Variants in KIAA1217 observed in about 807,000 individuals in gnomAD.
The protein encoded by KIAA1217 is KIAA1217.
Under a neutral mutation model 163.9 loss-of-function variants are expected in KIAA1217, and 88 were observed. The observed-to-expected ratio is 0.54, with a 90% CI of 0.45 to 0.64. The LOEUF is 0.64. KIAA1217 is among the 30% of genes least tolerant of loss of function. The pLI is 0.00. For missense variants in KIAA1217, 2,372 were observed against 2,475.0 expected (o/e 0.96, Z 0.88); for synonymous variants, 903 against 923.1 (o/e 0.98, Z 0.39).
intron 2 of KIAA1217, among the ~76,000 whole-genome samples, chr10:24,166,166 GA>G (rs935145110): frequency 1.3e-3 from 184 of 146,564 alleles, no homozygotes; most frequent in African/African-American, 3.4e-3. Context: ...CTGAGTGATT[GA>G]AAAAAAAAAC....
intron 1 of KIAA1217, among the ~76,000 whole-genome samples, chr10:23,841,633 C>A (rs181082993): frequency 2.6e-4 from 40 of 151,450 alleles, no homozygotes; most frequent in Non-Finnish European, 2.2e-4. Context: ...ACATCTGATT[C>A]AAAAATAATA....
chr10:24,153,471 A>C (rs2064720954), intron 2 of KIAA1217, among the ~76,000 whole-genome samples: 1 of 152,172 alleles, frequency 6.6e-6, no homozygotes, highest in Non-Finnish European at 1.5e-5. Flanking sequence ...TTTTTATTTC[A>C]CCTTAGTTTT....
At chr10:23,742,953 C>G (rs1839201646) in intron 1 of KIAA1217, among the ~76,000 whole-genome samples, 1 of 152,064 alleles carries the variant, frequency 6.6e-6, no homozygotes, top group Non-Finnish European at 1.5e-5. Flanking sequence ...CTTTGCTGTG[C>G]CAACTGCTAG....
chr10:24,140,831 T>C (rs2131832170), intron 2 of KIAA1217, among the ~76,000 whole-genome samples: 1 of 152,296 alleles, frequency 6.6e-6, no homozygotes, highest in Non-Finnish European at 1.5e-5. Flanking sequence ...TTGCAAATAG[T>C]GATCCTATTG....
chr10:23,805,996 CAAAAAAAAAAAAAAAAAA>C (rs71397917), intron 1 of KIAA1217, among the ~76,000 whole-genome samples: 1 of 30,512 alleles, frequency 3.3e-5, no homozygotes, highest in Non-Finnish European at 5.6e-5. Flanking sequence ...AACTCCATCT[CAAAAAAAAAAAAAAAAAA>C]AAAAAAAAAA....
chr10:23,863,191 C>T (rs1177118492), intron 1 of KIAA1217, among the ~76,000 whole-genome samples: 1 of 152,152 alleles, frequency 6.6e-6, no homozygotes, highest in Non-Finnish European at 1.5e-5. Flanking sequence ...TTCAAAGGGA[C>T]ATTTTGAGAG....
In KIAA1217 at chr10:24,481,049, C is replaced by T. The variant is rs1213489799; in HGVS notation, c.1679+6989C>T. The T allele has an allele frequency of 9.2e-5, 14 of 152,172 alleles. No individual in the cohort carries two copies. The East Asian group carries it at 2.5e-3, about 27-fold the overall frequency. 9.4% of individuals were successfully genotyped at this position (152,172 alleles called of 1,614,324 possible). ...ATCATTAGGTTATCTGTTTTGATGC[C>T]TAATAGTGCTTGACTGATTCAGCTC... On this transcript the variant is annotated intron_variant, in intron 6 of 20. Coordinates refer to ENST00000376454, the MANE Select transcript of KIAA1217 (RefSeq NM_019590.5).
At chr10:24,401,670 C>A (rs955385849) in intron 3 of KIAA1217, among the ~76,000 whole-genome samples, 1 of 152,138 alleles carries the variant, frequency 6.6e-6, no homozygotes, top group African/African-American at 2.4e-5. Context: ...AGGGAACAGC[C>A]AGGAGTGTCT....
At chr10:24,493,610 C>T (rs1473091543) in intron 6 of KIAA1217, among the ~76,000 whole-genome samples, 1 of 152,124 alleles carries the variant, frequency 6.6e-6, no homozygotes, top group African/African-American at 2.4e-5. Flanking sequence ...GAGAGAGGAA[C>T]AGTATCTGTA....
chr10:24,036,038 A>G (rs1244110326), intron 2 of KIAA1217, among the ~76,000 whole-genome samples: 5 of 152,210 alleles, frequency 3.3e-5, no homozygotes, highest in African/African-American at 9.6e-5. Context: ...GCCCAGGTGA[A>G]GGCCAGCGGA....
intron 1 of KIAA1217, among the ~76,000 whole-genome samples, chr10:23,948,100 A>G (rs897718506): frequency 1.3e-4 from 20 of 152,118 alleles, no homozygotes; most frequent in African/African-American, 4.6e-4. Context: ...GTTTGGACTG[A>G]GTGTTTATTG....
At chr10:23,841,279 T>G (rs985284463) in intron 1 of KIAA1217, among the ~76,000 whole-genome samples, 6 of 152,104 alleles carry the variant, frequency 3.9e-5, no homozygotes, top group Admixed American at 1.3e-4. Flanking sequence ...GGGAAGACCA[T>G]TCCAGAAAGA....
rs191059486 is a variant in KIAA1217, at chr10:23,938,434, G to A, written c.-320-68791G>A. Among the ~76,000 whole-genome samples the A allele has an allele frequency of 4.4e-3, 665 of 151,932 alleles. 1 individual carries two copies. The highest frequency in any genetic ancestry group is 6.9e-3 in the Non-Finnish European group (466 of 67,964). Reference sequence around the variant, plus strand: ...ATAGGTAAGTATGTATATACACCGAGACCTCTATGTCTGTGCATTCTGCAT... The same window carrying A: ...ATAGGTAAGTATGTATATACACCGAAACCTCTATGTCTGTGCATTCTGCAT... On this transcript the variant is annotated intron_variant, in intron 1 of 18. Coordinates refer to the KIAA1217 transcript ENST00000376462.
chr10:23,836,769 TA>T (rs912000275), intron 1 of KIAA1217, among the ~76,000 whole-genome samples: 24 of 147,132 alleles, frequency 1.6e-4, no homozygotes, highest in East Asian at 4.0e-4. Flanking sequence ...CCACAAAAAA[TA>T]AAAAAAAAAA....
In KIAA1217 at chr10:24,546,240, C is replaced by G. The variant is rs749971001; in HGVS notation, c.5748C>G (p.Ile1916Met). 1.2e-6 allele frequency: 2 copies of G among 1,614,222 alleles called. No homozygotes were observed. Among genetic ancestry groups the G allele is most frequent in the Non-Finnish European group, 1.7e-6 (2 of 1,180,028 alleles). Reference protein sequence around the residue: ...LNQGAKGTRTIHTPSLTSYKA... With the variant: ...LNQGAKGTRTMHTPSLTSYKA... ...AAGGTGCCAAGGGCACCAGGACCAT[C>G]CATACTCCCAGCCTCACCAGCTACA... is the stretch of plus-strand genomic sequence containing the variant. The change falls in exon 21 of 21, where the codon ATC becomes ATG. Residue 1916 changes from isoleucine to methionine, a missense_variant. Transcript: ENST00000376454.
intron 1 of KIAA1217, among the ~76,000 whole-genome samples, chr10:23,885,781 T>C (rs1841144141): frequency 6.6e-6 from 1 of 152,026 alleles, no homozygotes; most frequent in African/African-American, 2.4e-5. Flanking sequence ...GGGAAAAGGA[T>C]GGAAATAAAC....
intron 3 of KIAA1217, among the ~76,000 whole-genome samples, chr10:24,417,429 C>G (rs538240535): frequency 6.6e-6 from 1 of 152,192 alleles, no homozygotes; most frequent in Non-Finnish European, 1.5e-5. Context: ...TTGAGGCACT[C>G]ACGCTTGAGG....
At chr10:24,297,244 G>A (rs1484372285) in intron 2 of KIAA1217, among the ~76,000 whole-genome samples, 1 of 152,178 alleles carries the variant, frequency 6.6e-6, no homozygotes, top group African/African-American at 2.4e-5. Context: ...CAATGCAGCA[G>A]GGCCATGTTC....
intron 2 of KIAA1217, among the ~76,000 whole-genome samples, chr10:24,072,461 G>A (rs2061221324): frequency 1.3e-5 from 2 of 152,206 alleles, no homozygotes; most frequent in Admixed American, 1.3e-4. Flanking sequence ...TGTCCTGCAT[G>A]TATTAGGTAA....
Sources: gnomAD v4.1 joint callset for allele counts (sites outside exome capture counted in the v4.1 genomes callset) on GRCh38, gnomAD v4.1.1 for gene constraint, MANE v1.5 for transcripts, NCBI Gene and HGNC (gene_info 2026-07-23, HGNC 2026-07-21) for gene names.